STAG1: variants seen among roughly 807,000 people sequenced by gnomAD.
The protein encoded by STAG1 is cohesin subunit SA-1.
STAG1 carries 26 observed loss-of-function variants against 170.9 expected under a neutral mutation model. The observed-to-expected ratio is 0.15, with a 90% CI of 0.11 to 0.21. The LOEUF is 0.21. STAG1 is among the 10% of genes least tolerant of loss of function. The pLI is 1.00. For missense variants in STAG1, 964 were observed against 1,509.5 expected (o/e 0.64, Z 5.99); for synonymous variants, 514 against 497.7 (o/e 1.03, Z -0.44).
At chr3:136,369,929 T>C (rs902633033) in intron 23 of STAG1, among the ~76,000 whole-genome samples, 4 of 152,100 alleles carry the variant, frequency 2.6e-5, no homozygotes, top group South Asian at 2.1e-4. Flanking sequence ...TGTTGTGATG[T>C]TGTTTGTGGT....
At chr3:136,377,060 A>G (rs1937636228) in intron 23 of STAG1, among the ~76,000 whole-genome samples, 1 of 146,216 alleles carries the variant, frequency 6.8e-6, no homozygotes, top group African/African-American at 2.5e-5. Flanking sequence ...TACAGGCGTG[A>G]GCCACTGCGC....
intron 1 of STAG1, among the ~76,000 whole-genome samples, chr3:136,724,280 G>C (rs1236817070): frequency 1.3e-5 from 2 of 152,116 alleles, no homozygotes; most frequent in African/African-American, 2.4e-5. Context: ...TCTGCCTTGT[G>C]ATCCTGTTGA....
At chr3:136,582,974 G>A (rs569618714) in intron 4 of STAG1, among the ~76,000 whole-genome samples, 129 of 152,216 alleles carry the variant, frequency 8.5e-4, no homozygotes, top group African/African-American at 2.9e-3. Context: ...TTCTCTTTGT[G>A]CATAGACTAG....
At chr3:136,466,547 A>G (rs1278901868) in intron 12 of STAG1, among the ~76,000 whole-genome samples, 4 of 152,210 alleles carry the variant, frequency 2.6e-5, no homozygotes, top group Admixed American at 6.5e-5. Flanking sequence ...TGAAAGTGAC[A>G]GGAAGAATGG....
chr3:136,627,602 C>T (rs1940163389), intron 2 of STAG1, among the ~76,000 whole-genome samples: 1 of 152,116 alleles, frequency 6.6e-6, no homozygotes, highest in Non-Finnish European at 1.5e-5. Context: ...AATGACTGTT[C>T]TTGTACATAA....
At chr3:136,528,634 T>C (rs565654377) in intron 6 of STAG1, among the ~76,000 whole-genome samples, 25 of 151,472 alleles carry the variant, frequency 1.7e-4, no homozygotes, top group African/African-American at 5.1e-4. Flanking sequence ...AACCAAAAAT[T>C]TACCAAAGAA....
intron 6 of STAG1, among the ~76,000 whole-genome samples, chr3:136,537,015 T>C (rs1452125277): frequency 6.6e-6 from 1 of 152,232 alleles, no homozygotes; most frequent in Non-Finnish European, 1.5e-5. Flanking sequence ...TCAGTCATTG[T>C]ATATTTTCTT....
At chr3:136,477,925 G>C (rs1353779991) in intron 9 of STAG1, among the ~76,000 whole-genome samples, 2 of 152,142 alleles carry the variant, frequency 1.3e-5, no homozygotes, top group African/African-American at 4.8e-5. Context: ...AAGTAGCTGA[G>C]ACTACAGGTG....
chr3:136,353,902 A>G (rs1199815157), intron 28 of STAG1, among the ~76,000 whole-genome samples: 1 of 152,228 alleles, frequency 6.6e-6, no homozygotes, highest in Non-Finnish European at 1.5e-5. Context: ...ATAAAACAAT[A>G]TGTATGTTAC....
chr3:136,586,515 T>C (rs530458098), intron 4 of STAG1, among the ~76,000 whole-genome samples: 4 of 152,156 alleles, frequency 2.6e-5, no homozygotes, highest in Non-Finnish European at 5.9e-5. Context: ...CGAGTAACAG[T>C]AGGTACCTTT....
intron 1 of STAG1, among the ~76,000 whole-genome samples, chr3:136,663,824 A>G (rs2107867664): frequency 6.6e-6 from 1 of 152,316 alleles, no homozygotes; most frequent in East Asian, 1.9e-4. Flanking sequence ...CCACTCTCAG[A>G]TCAGAAAATG....
intron 1 of STAG1, among the ~76,000 whole-genome samples, chr3:136,632,942 G>A (rs1409607062): frequency 6.6e-6 from 1 of 151,914 alleles, no homozygotes; most frequent in African/African-American, 2.4e-5. Flanking sequence ...CAGGTTACTG[G>A]TTTGACCACC....
intron 1 of STAG1, among the ~76,000 whole-genome samples, chr3:136,722,660 TTCTCCCCTCTCCC>T (rs1559972511): frequency 1.8e-5 from 2 of 110,554 alleles, no homozygotes; most frequent in South Asian, 3.5e-4. Context: ...CCCCTCTCCC[TTCTCCCCTCTCCC>T]TCTCCCCCCT....
At chr3:136,607,087 C>T (rs1406655641) in intron 3 of STAG1, among the ~76,000 whole-genome samples, 2 of 151,976 alleles carry the variant, frequency 1.3e-5, no homozygotes, top group African/African-American at 2.4e-5. Context: ...ATCAAGAGTA[C>T]ATACTATCAA....
chr3:136,461,058 T>TCA (rs571734935), intron 13 of STAG1, among the ~76,000 whole-genome samples: 32 of 152,250 alleles, frequency 2.1e-4, no homozygotes, highest in Admixed American at 1.2e-3. Context: ...ATGTGATACA[T>TCA]CACATCAACA....
chr3:136,374,422 A>T (rs1309478233), intron 23 of STAG1, among the ~76,000 whole-genome samples: 1 of 152,190 alleles, frequency 6.6e-6, no homozygotes, highest in Non-Finnish European at 1.5e-5. Context: ...ATTCGAGACC[A>T]GCCTGACCAA....
chr3:136,493,278 G>C (rs2090155761), intron 9 of STAG1, among the ~76,000 whole-genome samples: 1 of 152,128 alleles, frequency 6.6e-6, no homozygotes. Context: ...AGGATGTTGA[G>C]GCTGAAGTGA....
chr3:136,459,220 G>GAAAAAA (rs769155825), intron 13 of STAG1, among the ~76,000 whole-genome samples: 1 of 91,582 alleles, frequency 1.1e-5, no homozygotes, highest in African/African-American at 3.6e-5. Flanking sequence ...CTGTCTTAAA[G>GAAAAAA]AAAAAAAAAA....
chr3:136,560,728 A>G (rs1392017407), intron 5 of STAG1, among the ~76,000 whole-genome samples: 1 of 152,216 alleles, frequency 6.6e-6, no homozygotes, highest in Non-Finnish European at 1.5e-5. Flanking sequence ...TATGGGTGCT[A>G]ATGCAACTTG....
Sources: gnomAD v4.1 joint callset for allele counts (sites outside exome capture counted in the v4.1 genomes callset) on GRCh38, gnomAD v4.1.1 for gene constraint, MANE v1.5 for transcripts, NCBI Gene and HGNC (gene_info 2026-07-23, HGNC 2026-07-21) for gene names.